The following HTR4 variants were observed in gnomAD, a reference collection of about 807,000 sequenced individuals.
HTR4 encodes the protein 5-hydroxytryptamine (serotonin) receptor 4, G protein-coupled.
HTR4 carries 16 observed loss-of-function variants against 36.8 expected under a neutral mutation model. The observed-to-expected ratio is 0.43, with a 90% CI of 0.29 to 0.66. The LOEUF is 0.66. Ranked by LOEUF, HTR4 falls within the 30% of genes least tolerant of loss-of-function variation. The pLI is 0.13. For missense variants in HTR4, 438 were observed against 490.9 expected (o/e 0.89, Z 1.02); for synonymous variants, 189 against 185.1 (o/e 1.02, Z -0.17).
At chr5:148,451,138 C>T in exon 6 of HTR4, 1 of 1,612,054 alleles carries the variant, frequency 6.2e-7, no homozygotes. Flanking sequence ...CCTGTTCATG[C>T]AAACATGAAT....
At chr5:148,637,746 T>A (rs1276717076) in intron 1 of HTR4, among the ~76,000 whole-genome samples, 2 of 152,148 alleles carry the variant, frequency 1.3e-5, no homozygotes, top group African/African-American at 4.8e-5. Flanking sequence ...GGGCATTCAC[T>A]GATCTCCACA....
At chr5:148,623,132 G>A (rs1450136347) in intron 2 of HTR4, among the ~76,000 whole-genome samples, 2 of 152,074 alleles carry the variant, frequency 1.3e-5, no homozygotes, top group African/African-American at 4.8e-5. Flanking sequence ...ATACAGGAGA[G>A]GAAGAGGAGG....
At chr5:148,515,712 AT>A (rs1757714737) in intron 5 of HTR4, among the ~76,000 whole-genome samples, 1 of 151,320 alleles carries the variant, frequency 6.6e-6, no homozygotes, top group Non-Finnish European at 1.5e-5. Context: ...TTAATTTGTC[AT>A]TTTTCTCTAA....
chr5:148,475,701 T>C (rs11168049), downstream of HTR4, among the ~76,000 whole-genome samples: 57,086 of 152,084 alleles, frequency 0.38, 11,540 homozygotes, highest in East Asian at 0.61. Flanking sequence ...TCAACAACCC[T>C]TTCCATATGA....
intron 4 of HTR4, among the ~76,000 whole-genome samples, chr5:148,524,045 C>A (rs1758148503): frequency 6.6e-6 from 1 of 152,012 alleles, no homozygotes; most frequent in African/African-American, 2.4e-5. Context: ...CCCCCCATCC[C>A]TGCCATGCTG....
At chr5:148,634,784 TTTCCA>T (rs1485905064) in intron 2 of HTR4, among the ~76,000 whole-genome samples, 4 of 152,152 alleles carry the variant, frequency 2.6e-5, no homozygotes, top group Non-Finnish European at 5.9e-5. Context: ...ACTCCTCCCT[TTTCCA>T]TTCATTTTCT....
intron 6 of HTR4, among the ~76,000 whole-genome samples, chr5:148,497,307 A>G (rs1009714780): frequency 6.6e-6 from 1 of 152,106 alleles, no homozygotes; most frequent in Non-Finnish European, 1.5e-5. Flanking sequence ...CATGTGTAGG[A>G]AAGTCACTGA....
At chr5:148,488,863 C>T (rs1756282559) in intron 6 of HTR4, among the ~76,000 whole-genome samples, 1 of 152,144 alleles carries the variant, frequency 6.6e-6, no homozygotes, top group African/African-American at 2.4e-5. Context: ...CAGATATGTC[C>T]ATGTTTCAAT....
chr5:148,584,161 T>G (rs1463223853), intron 2 of HTR4, among the ~76,000 whole-genome samples: 2 of 152,330 alleles, frequency 1.3e-5, no homozygotes, highest in Non-Finnish European at 2.9e-5. Flanking sequence ...TCTCTCATTC[T>G]TTTCAAATGT....
rs1179148219 is a variant in HTR4, at chr5:148,548,877, G to A, written c.153-9C>T. On this transcript the variant is annotated splice_polypyrimidine_tract_variant and intron_variant, in intron 3 of 6. Transcript: ENST00000377888. ...AATTTGTTTTTATTTTCCTGTGAGTGAAAAAGTGTAAGAGAGGAGGCAGGG... is the reference window on the plus strand; with the variant it reads ...AATTTGTTTTTATTTTCCTGTGAGTAAAAAAGTGTAAGAGAGGAGGCAGGG... 1 of 1,606,202 alleles carries A rather than the reference G, an allele frequency of 6.2e-7. No homozygotes were observed. The highest frequency in any genetic ancestry group is 8.5e-7 in the Non-Finnish European group (1 of 1,174,450).
Position 148,548,726 on chromosome 5 carries a change from G to T in HTR4, c.295C>A (p.Leu99Met). 1 of 1,612,692 alleles carries T rather than the reference G, an allele frequency of 6.2e-7. No individual in the cohort carries two copies. Among genetic ancestry groups the T allele is most frequent in the East Asian group, 2.2e-5 (1 of 44,730 alleles). The stretch of plus-strand genomic sequence containing the variant: ...GATGCCGTTGTGAGCAGGACGTCCA[G>T]AGATGTCCGAACAAGACAAAACACC... The part of the protein sequence containing the change: ...GEVFCLVRTS[L>M]DVLLTTASIF... The change falls in exon 4 of 7, where the codon CTG becomes ATG. Residue 99 changes from leucine (L) to methionine (M), a missense_variant. Physicochemically the swap from Leu to Met is conservative, Grantham distance 15. Coordinates refer to ENST00000377888, the MANE Select transcript of HTR4 (RefSeq NM_000870.7).
intron 2 of HTR4, among the ~76,000 whole-genome samples, chr5:148,600,594 A>G (rs1307032344): frequency 6.6e-6 from 1 of 151,780 alleles, no homozygotes; most frequent in Non-Finnish European, 1.5e-5. Context: ...ACTATCCAGA[A>G]AAAACAAATT....
chr5:148,551,871 C>T (rs1280362582), intron 2 of HTR4, among the ~76,000 whole-genome samples: 1 of 152,104 alleles, frequency 6.6e-6, no homozygotes, highest in Admixed American at 6.5e-5. Flanking sequence ...ACAAGTTTGT[C>T]CTAGACCCAA....
At chr5:148,541,379 G>A (rs1057428706) in intron 4 of HTR4, among the ~76,000 whole-genome samples, 6 of 152,152 alleles carry the variant, frequency 3.9e-5, no homozygotes, top group African/African-American at 9.7e-5. Flanking sequence ...AAAAACACAC[G>A]AATAGATAAG....
intron 5 of HTR4, among the ~76,000 whole-genome samples, chr5:148,458,295 A>AT (rs1755173751): frequency 6.6e-6 from 1 of 151,516 alleles, no homozygotes; most frequent in Non-Finnish European, 1.5e-5. Flanking sequence ...TACAGTTGGT[A>AT]TTTTTTCCAT....
intron 4 of HTR4, 53 bp downstream of exon 4, chr5:148,548,615 T>A (rs1179260128): frequency 7.2e-7 from 1 of 1,396,742 alleles, no homozygotes; most frequent in African/African-American, 1.4e-5. Flanking sequence ...CCAATATCCA[T>A]CAAGTCATGT....
intron 4 of HTR4, among the ~76,000 whole-genome samples, chr5:148,536,155 GA>G (rs1301104523): frequency 4.6e-5 from 7 of 152,194 alleles, no homozygotes; most frequent in Admixed American, 6.5e-5. Context: ...AAGTGAAGGA[GA>G]AATAAGATTC....
chr5:148,614,153 C>A (rs954457063), intron 2 of HTR4, among the ~76,000 whole-genome samples: 88 of 151,908 alleles, frequency 5.8e-4, no homozygotes, highest in Non-Finnish European at 9.9e-4. Context: ...GCTACCAATG[C>A]CTTTCTTCAC....
intron 1 of HTR4, among the ~76,000 whole-genome samples, chr5:148,644,299 G>A (rs759202403): frequency 1.6e-4 from 24 of 151,376 alleles, no homozygotes; most frequent in Non-Finnish European, 3.2e-4. Flanking sequence ...TTCATTTTCT[G>A]TTTTAGTTAT....
Sources: allele counts gnomAD v4.1 joint callset (sites outside exome capture counted in the v4.1 genomes callset), GRCh38; gene constraint gnomAD v4.1.1; transcripts MANE v1.5; gene names NCBI Gene and HGNC (gene_info 2026-07-23, HGNC 2026-07-21).